The following NCOR2 variants were observed in gnomAD, a reference collection of about 807,000 sequenced individuals.
NCOR2 encodes the protein CTG repeat protein 26.
Under a neutral mutation model 262.9 loss-of-function variants are expected in NCOR2, and 81 were observed. That is an observed-to-expected ratio of 0.31 (90% CI 0.26 to 0.37). The LOEUF is 0.37. Among genes scored for constraint, NCOR2 ranks in the 10% least tolerant of loss-of-function variants. The probability of loss-of-function intolerance (pLI) is 1.00; values close to 1 mark genes in which losing one functional copy is unlikely to be tolerated. For synonymous variants in NCOR2, 1,659 were observed against 1,559.3 expected, an observed-to-expected ratio of 1.06 and a Z score of -1.51; for missense variants, 3,385 against 3,621.4, an observed-to-expected ratio of 0.93 and a Z score of 1.68.
chr12:124,518,528 A>ACGT (rs1380254439), intron 1 of NCOR2, among the ~76,000 whole-genome samples: 2 of 152,186 alleles, frequency 1.3e-5, no homozygotes, highest in Non-Finnish European at 2.9e-5. Context: ...CGTGAACGAG[A>ACGT]CGTCGGGCCT....
rs970917506 is a variant in NCOR2 at position 124,454,501 on chromosome 12, G to A, written c.762+2605C>T. On this transcript the variant is annotated intron_variant, in intron 6 of 46. Transcript: ENST00000405201. The surrounding 1 kb of genome is among the most constrained non-coding windows in gnomAD (Gnocchi z 5.6). Reference sequence around the variant, plus strand: ...CCCCATCTGCCCACAGACTCCCACGGACAGGGGCTTCCTCGCCTGTGTTCC... The same window carrying A: ...CCCCATCTGCCCACAGACTCCCACGAACAGGGGCTTCCTCGCCTGTGTTCC... Among the ~76,000 whole-genome samples the A allele has an allele frequency of 6.6e-6, 1 of 152,142 alleles. No homozygotes were observed. The highest frequency in any genetic ancestry group is 1.5e-5 in the Non-Finnish European group (1 of 68,018).
chr12:124,394,676 G>A (rs552061535), intron 16 of NCOR2, among the ~76,000 whole-genome samples: 12 of 152,258 alleles, frequency 7.9e-5, no homozygotes, highest in African/African-American at 1.7e-4. Context: ...GCAGGCAGGC[G>A]CCAGGGGCTG....
At chr12:124,538,964 A>C (rs2137203869), upstream of NCOR2, 1 of 152,440 alleles carries the variant, frequency 6.6e-6, no homozygotes, top group South Asian at 2.1e-4. Context: ...GTGGCAAGGA[A>C]GGGAGTGAGC....
chr12:124,332,801 T>C (rs1489914709), intron 42 of NCOR2, among the ~76,000 whole-genome samples: 1 of 152,028 alleles, frequency 6.6e-6, no homozygotes, highest in Non-Finnish European at 1.5e-5. Flanking sequence ...CCAGCTTCCT[T>C]CTCAGGTCCC....
intron 16 of NCOR2, among the ~76,000 whole-genome samples, chr12:124,395,327 G>C (rs1434440698): frequency 2.0e-5 from 3 of 146,732 alleles, no homozygotes; most frequent in South Asian, 2.2e-4. Flanking sequence ...CTGTCTCCCC[G>C]CCCCACCCCC....
At chr12:124,538,570 G>C (rs866479724), upstream of NCOR2, 1 of 152,518 alleles carries the variant, frequency 6.6e-6, no homozygotes, top group Non-Finnish European at 1.5e-5. Context: ...GGAGGGTTAC[G>C]CAAGCTGCAG....
intron 1 of NCOR2, among the ~76,000 whole-genome samples, chr12:124,522,537 C>T (rs77823416): frequency 0.051 from 7,814 of 152,264 alleles, 294 homozygotes; most frequent in African/African-American, 0.1. Context: ...GGATTTAGGG[C>T]CCATCCTATT....
intron 22 of NCOR2, among the ~76,000 whole-genome samples, chr12:124,358,421 T>C (rs563900376): frequency 6.6e-6 from 1 of 152,270 alleles, no homozygotes; most frequent in African/African-American, 2.4e-5. Flanking sequence ...TGGATGTGTG[T>C]GCGCCTGTGT....
chr12:124,497,532 A>G (rs66494628), upstream of NCOR2, among the ~76,000 whole-genome samples: 13,273 of 152,286 alleles, frequency 0.087, 750 homozygotes, highest in African/African-American at 0.16. The surrounding 1 kb of genome is among the most constrained non-coding windows in gnomAD (Gnocchi z 4.2). Context: ...TCAGTTAGGC[A>G]TAACTTTACA....
At chr12:124,513,228 A>T (rs1471528589) in intron 1 of NCOR2, 1 of 152,252 alleles carries the variant, frequency 6.6e-6, no homozygotes, top group Non-Finnish European at 1.5e-5. Flanking sequence ...CCTCAGGAAC[A>T]AAGGGCTCAT....
chr12:124,372,678 C>CT, intron 19 of NCOR2, 68 bp from the exon 22 acceptor site: 1 of 1,421,930 alleles, frequency 7.0e-7, no homozygotes, highest in Non-Finnish European at 9.7e-7. Flanking sequence ...GATGCATGGC[C>CT]CTGACCCTCC....
chr12:124,352,284 G>C (rs1169249845), intron 27 of NCOR2, among the ~76,000 whole-genome samples: 1 of 152,092 alleles, frequency 6.6e-6, no homozygotes, highest in Non-Finnish European at 1.5e-5. Context: ...GTCCATGTCA[G>C]AACTGGGTTT....
At chr12:124,371,276 C>T (rs2039487477) in intron 20 of NCOR2, among the ~76,000 whole-genome samples, 4 of 151,582 alleles carry the variant, frequency 2.6e-5, no homozygotes, top group Admixed American at 2.6e-4. Flanking sequence ...CCACCAAGCT[C>T]ATTCCCACCT....
At chr12:124,369,973 A>G (rs115288713) in intron 20 of NCOR2, among the ~76,000 whole-genome samples, 2,792 of 152,000 alleles carry the variant, frequency 0.018, 97 homozygotes, top group African/African-American at 0.064. Flanking sequence ...CAAAATACAG[A>G]CTCTGGGAGG....
At chr12:124,538,763 C>T (rs11611492), upstream of NCOR2, 15,320 of 152,398 alleles carry the variant, frequency 0.1, 1,005 homozygotes, top group East Asian at 0.28. Context: ...TTAGAGAGTC[C>T]GAAAGGCAGG....
intron 22 of NCOR2, among the ~76,000 whole-genome samples, chr12:124,359,546 C>A (rs1295656459): frequency 6.6e-6 from 1 of 152,204 alleles, no homozygotes; most frequent in Non-Finnish European, 1.5e-5. Flanking sequence ...TAACCAGTCC[C>A]CAGTGGAGGC....
intron 4 of NCOR2, among the ~76,000 whole-genome samples, chr12:124,469,284 A>G (rs2046706265): frequency 1.3e-5 from 2 of 152,176 alleles, no homozygotes; most frequent in Non-Finnish European, 1.5e-5. Context: ...GTGCCCAAGA[A>G]GAAGTGAACA....
Position 124,378,457 on chromosome 12 carries a change from C to G in NCOR2, c.2020-73G>C. 1 of 1,458,794 alleles carries G rather than the reference C, an allele frequency of 6.9e-7. No homozygotes were observed. Among genetic ancestry groups the G allele is most frequent in the Non-Finnish European group, 9.2e-7 (1 of 1,091,522 alleles). 90.4% of individuals were successfully genotyped at this position (1,458,794 alleles called of 1,614,324 possible). ...GCTCGGGGACTCCCCATGCCTGGGG[C>G]CTCGCCGCAGGTGCAAAGGGCAGTG... On this transcript the variant is annotated intron_variant, in intron 17 of 46. Coordinates refer to ENST00000405201, the Ensembl canonical transcript of NCOR2. The surrounding 1 kb of genome is among the most constrained non-coding windows in gnomAD (Gnocchi z 4.2).
chr12:124,347,937 A>G (rs1243409182), intron 29 of NCOR2, 26 bp from the exon 32 acceptor site: 27 of 1,551,398 alleles, frequency 1.7e-5, no homozygotes, highest in African/African-American at 4.1e-5. Context: ...TGAGGCCATC[A>G]TTCCGTGGCT....
Sources: gnomAD v4.1 joint callset for allele counts (sites outside exome capture counted in the v4.1 genomes callset) on GRCh38, gnomAD v4.1.1 for gene constraint, Gnocchi (gnomAD v3.1) non-coding constraint, MANE v1.5 for transcripts, NCBI Gene and HGNC (gene_info 2026-07-23, HGNC 2026-07-21) for gene names.